Variants in RWDD1 observed in about 807,000 individuals in gnomAD.
RWDD1 encodes RWD domain containing 1, also known as RWD domain-containing protein 1.
RWDD1 carries 17 observed loss-of-function variants against 31.6 expected under a neutral mutation model. The observed-to-expected ratio is 0.54, with a 90% CI of 0.37 to 0.81. The LOEUF (loss-of-function observed/expected upper bound fraction) is 0.81. Among genes scored for constraint, RWDD1 ranks in the 30% least tolerant of loss-of-function variants. The probability of loss-of-function intolerance (pLI) is 0.00; values close to 1 mark genes in which losing one functional copy is unlikely to be tolerated. For missense variants in RWDD1, 204 were observed against 274.5 expected (o/e 0.74, Z 1.82); for synonymous variants, 78 against 94.2 (o/e 0.83, Z 0.99).
intron 2 of RWDD1, among the ~76,000 whole-genome samples, chr6:116,581,408 T>C: frequency 6.6e-6 from 1 of 151,916 alleles, no homozygotes; most frequent in East Asian, 1.9e-4. Flanking sequence ...AAATGAAAAA[T>C]AAAATATAAA....
Position 116,596,066 on chromosome 6 carries a change from G to C in RWDD1, c.*2965G>C, listed in dbSNP as rs1446966141. 2 of 152,252 alleles carry C rather than the reference G, an allele frequency of 1.3e-5. No individual in the cohort carries two copies. 9.4% of individuals were successfully genotyped at this position (152,252 alleles called of 1,614,324 possible). A position where few individuals can be genotyped will look rare whatever the true frequency, so the allele number is the denominator to read the frequency against. On this transcript the variant is annotated 3_prime_UTR_variant, in exon 7 of 7. Transcript: ENST00000466444. ...AAAGAAGATGATTTGTAAGTGTTCA[G>C]TATTTGTGTGGCAGCCCTTTTAGGT...
At chr6:116,586,778 T>C (rs1197800835) in intron 3 of RWDD1, among the ~76,000 whole-genome samples, 1 of 152,170 alleles carries the variant, frequency 6.6e-6, no homozygotes, top group African/African-American at 2.4e-5. Flanking sequence ...GGAAGTATGA[T>C]TGCTGGATTA....
At chr6:116,574,743 C>T (rs2115322301) in intron 1 of RWDD1, among the ~76,000 whole-genome samples, 1 of 149,394 alleles carries the variant, frequency 6.7e-6, no homozygotes, top group East Asian at 2.0e-4. Context: ...TTCCTTCCTT[C>T]CACCTCCCCT....
chr6:116,582,076 G>T (rs941711865), intron 2 of RWDD1, among the ~76,000 whole-genome samples: 1 of 151,730 alleles, frequency 6.6e-6, no homozygotes, highest in Non-Finnish European at 1.5e-5. Context: ...TGTTTAAAAT[G>T]TAAATATATG....
chr6:116,588,427 A>C (rs1045491623), intron 3 of RWDD1, among the ~76,000 whole-genome samples: 8 of 152,202 alleles, frequency 5.3e-5, no homozygotes, highest in South Asian at 2.1e-4. Flanking sequence ...AAAGAAAAAA[A>C]GGTTGATATA....
At chr6:116,574,155 G>C (rs757784292) in intron 1 of RWDD1, 1 of 174,430 alleles carries the variant, frequency 5.7e-6, no homozygotes, top group Non-Finnish European at 1.1e-5. Context: ...TGCTTCACTT[G>C]ACAAGGTCCT....
chr6:116,591,752 C>T (rs1229727815), intron 6 of RWDD1, among the ~76,000 whole-genome samples: 1 of 152,232 alleles, frequency 6.6e-6, no homozygotes, highest in Non-Finnish European at 1.5e-5. Flanking sequence ...TCTAGAGTTC[C>T]GTACTTCATT....
chr6:116,583,397 CA>C (rs1312312883), intron 2 of RWDD1, among the ~76,000 whole-genome samples: 3 of 151,970 alleles, frequency 2.0e-5, no homozygotes, highest in African/African-American at 7.3e-5. Flanking sequence ...CCAAAGGGTA[CA>C]AAGGTTCAGT....
chr6:116,590,777 T>G (rs1775127958), intron 5 of RWDD1, 111 bp from the exon 6 acceptor site: 5 of 1,433,184 alleles, frequency 3.5e-6, no homozygotes, highest in Admixed American at 3.3e-5. Flanking sequence ...ATTCAGAAAT[T>G]TATTGAAATT....
intron 4 of RWDD1, among the ~76,000 whole-genome samples, chr6:116,589,893 G>A (rs1229109247): frequency 1.3e-5 from 2 of 152,138 alleles, no homozygotes; most frequent in Non-Finnish European, 2.9e-5. Flanking sequence ...CTCCCCCTGG[G>A]TCCCTCCTAC....
At chr6:116,588,420 GA>G (rs927897136) in intron 3 of RWDD1, among the ~76,000 whole-genome samples, 3 of 151,534 alleles carry the variant, frequency 2.0e-5, no homozygotes, top group African/African-American at 7.3e-5. Flanking sequence ...CAAATCTAAA[GA>G]AAAAAAGGTT....
Position 116,582,929 on chromosome 6 carries a change from T to C in RWDD1, c.140-1798T>C, listed in dbSNP as rs1583332426. ...CAGCTTTTGCTTCAACCCATAAGTT[T>C]TGGTATGATGTGTTTCCATTTTCTT... On this transcript the variant is annotated intron_variant, in intron 2 of 6. Transcript: ENST00000466444. Among the ~76,000 whole-genome samples, 3 of 151,700 alleles carry C rather than the reference T, an allele frequency of 2.0e-5. No individual in the cohort carries two copies. In the South Asian group the frequency reaches 6.2e-4, roughly 32 times the overall value.
chr6:116,573,099 A>G (rs1040004294), intron 1 of RWDD1: 3 of 689,538 alleles, frequency 4.4e-6, no homozygotes, highest in Non-Finnish European at 5.4e-6. Flanking sequence ...GGTCATTTCC[A>G]GTACTTTGGA....
intron 1 of RWDD1, among the ~76,000 whole-genome samples, chr6:116,575,760 T>C (rs746863521): frequency 6.6e-6 from 1 of 152,210 alleles, no homozygotes; most frequent in Non-Finnish European, 1.5e-5. Context: ...CATCTTCTAA[T>C]GTAGCTCTCT....
chr6:116,591,047 G>T, intron 6 of RWDD1, 97 bp downstream of exon 6: 1 of 1,435,676 alleles, frequency 7.0e-7, no homozygotes, highest in Non-Finnish European at 9.1e-7. Flanking sequence ...GATTGCTTGA[G>T]CCCAGGAGTT....
At chr6:116,578,489 A>G (rs1333711593) in intron 1 of RWDD1, among the ~76,000 whole-genome samples, 4 of 152,228 alleles carry the variant, frequency 2.6e-5, no homozygotes, top group African/African-American at 7.2e-5. Flanking sequence ...CCCCTGACCT[A>G]TAGCCTCAGG....
intron 1 of RWDD1, among the ~76,000 whole-genome samples, chr6:116,577,239 A>T (rs1293468069): frequency 1.3e-5 from 2 of 152,222 alleles, no homozygotes; most frequent in African/African-American, 4.8e-5. Flanking sequence ...AGGATGGGGT[A>T]GAATGAGGAG....
At chr6:116,573,138 G>A (rs147489521) in intron 1 of RWDD1, among the ~76,000 whole-genome samples, 181 of 152,352 alleles carry the variant, frequency 1.2e-3, no homozygotes, top group African/African-American at 4.3e-3. Flanking sequence ...ACTGTAGGCA[G>A]AGTCAAGACA....
intron 1 of RWDD1, among the ~76,000 whole-genome samples, chr6:116,576,458 T>C (rs1209199014): frequency 1.3e-5 from 2 of 152,218 alleles, no homozygotes; most frequent in Non-Finnish European, 2.9e-5. Flanking sequence ...GTAGTTCTTT[T>C]GTTCCCATGC....
Sources: gnomAD v4.1 joint callset for allele counts (sites outside exome capture counted in the v4.1 genomes callset) on GRCh38, gnomAD v4.1.1 for gene constraint, MANE v1.5 for transcripts, NCBI Gene and HGNC (gene_info 2026-07-23, HGNC 2026-07-21) for gene names.